Variants in ATF6B observed in about 807,000 individuals in gnomAD.
ATF6B encodes the protein activating transcription factor 6 beta, also known as cyclic AMP-dependent transcription factor ATF-6 beta.
Under a neutral mutation model 83.5 loss-of-function variants are expected in ATF6B, and 50 were observed. The ratio of observed to expected loss-of-function variants is 0.60; its 90% CI spans 0.48 to 0.76. The LOEUF (loss-of-function observed/expected upper bound fraction) is 0.76. Ranked by LOEUF, ATF6B falls within the 30% of genes least tolerant of loss-of-function variation. The pLI is 0.00. For missense variants in ATF6B, 790 were observed against 893.8 expected, an observed-to-expected ratio of 0.88 and a Z score of 1.48; for synonymous variants, 344 against 362.8, an observed-to-expected ratio of 0.95 and a Z score of 0.59.
In ATF6B at chr6:32,116,643, C is replaced by G. The variant is rs572621235; in HGVS notation, c.1797+61G>C. The G allele has an allele frequency of 6.9e-6, 11 of 1,605,256 alleles. No individual in the cohort carries two copies. The highest frequency in any genetic ancestry group is 1.7e-4 in the Middle Eastern group (1 of 6,028). On this transcript the variant is annotated intron_variant, in intron 16 of 17. Transcript: ENST00000375203. The surrounding 1 kb of genome is among the most constrained non-coding windows in gnomAD (Gnocchi z 5.1). ...TCCCCAGCCCTACTCTACATCCCCC[C>G]ACTGAAGACAGACTGCTGGGAACCT...
chr6:32,127,786 T>C, intron 1 of ATF6B, 36 bp from the exon 2 acceptor site: 1 of 1,606,466 alleles, frequency 6.2e-7, no homozygotes, highest in Non-Finnish European at 8.5e-7. Flanking sequence ...GGTCGTTCGG[T>C]GGCCCCAGCC....
chr6:32,119,931 C>T lies in ATF6B; in HGVS notation c.859G>A (p.Ala287Thr). 1 of 1,614,106 alleles carries T rather than the reference C, an allele frequency of 6.2e-7. No homozygotes were observed. Among genetic ancestry groups the T allele is most frequent in the Non-Finnish European group, 8.5e-7 (1 of 1,180,020 alleles). Residue 287 changes from alanine to threonine, a missense_variant, in exon 9 of 18, where the codon GCT becomes ACT. By Grantham distance (58) the Ala-to-Thr change is moderately conservative (BLOSUM62 0). Around this residue, in one of 3 missense-constraint regions of ATF6B, gnomAD observed 530 missense variants for 632.6 expected, o/e 0.84. Coordinates refer to ENST00000375203, the MANE Select transcript of ATF6B (RefSeq NM_004381.5). The surrounding 1 kb of genome is among the most constrained non-coding windows in gnomAD (Gnocchi z 4.9). ...GGCCCTTCAGGCTGGACTCGAATAGCACCCTGGATGAGGACAACTGGGGAC... is the reference window on the plus strand; with the variant it reads ...GGCCCTTCAGGCTGGACTCGAATAGTACCCTGGATGAGGACAACTGGGGAC... ...PVSPVVLIQG[A>T]IRVQPEGPAP...
In ATF6B at chr6:32,116,388, T is replaced by C; in HGVS notation, c.1882+92A>G. Reference sequence around the variant, plus strand: ...CTCACCTGTGGGTCCAGCAGCTCTCTGGATGCCCTGCTCCTCTCCCCCTTC... The same window carrying C: ...CTCACCTGTGGGTCCAGCAGCTCTCCGGATGCCCTGCTCCTCTCCCCCTTC... On this transcript the variant is annotated intron_variant, in intron 17 of 17. Transcript: ENST00000375203. The surrounding 1 kb of genome is among the most constrained non-coding windows in gnomAD (Gnocchi z 5.1). The C allele has an allele frequency of 8.0e-7, 1 of 1,245,168 alleles. No homozygotes were observed. Among genetic ancestry groups the C allele is most frequent in the Admixed American group, 2.3e-5 (1 of 42,820 alleles). The allele number at this position is 1,245,168 out of a possible 1,614,324, so 77.1% of individuals were successfully genotyped here.
chr6:32,118,553 G>A lies in ATF6B; in HGVS notation c.1244+222C>T, dbSNP rs774830994. 2.0e-4 allele frequency among the ~76,000 whole-genome samples: 30 copies of A among 152,304 alleles called. No homozygotes were observed. The highest frequency in any genetic ancestry group is 3.9e-4 in the Admixed American group (6 of 15,304). ...AGAGGTTGCAGTGAGCCGAGATCGTGCCACTGCACTCCAGCCTGGGCAACA... is the reference window on the plus strand; with the variant it reads ...AGAGGTTGCAGTGAGCCGAGATCGTACCACTGCACTCCAGCCTGGGCAACA... On this transcript the variant is annotated intron_variant, in intron 11 of 17. Transcript: ENST00000375203. This position sits in a 1 kb window ranked among gnomAD's most constrained non-coding sequence, Gnocchi z 5.2.
intron 5 of ATF6B, among the ~76,000 whole-genome samples, chr6:32,121,848 G>A (rs766040120): frequency 1.3e-5 from 2 of 151,926 alleles, no homozygotes; most frequent in African/African-American, 4.8e-5. Flanking sequence ...CCCGCTTTTC[G>A]CCTAGTGCTT....
At chr6:32,121,409 G>A (rs1052583275) in intron 5 of ATF6B, 61 bp from the exon 6 acceptor site, 5 of 1,511,334 alleles carry the variant, frequency 3.3e-6, no homozygotes, top group East Asian at 2.3e-5. Context: ...GGTTAAGAGG[G>A]TTAAGATGGG....
chr6:32,119,741 C>G lies in ATF6B; in HGVS notation c.966+83G>C. On this transcript the variant is annotated intron_variant, in intron 9 of 17. Transcript: ENST00000375203. The surrounding 1 kb of genome is among the most constrained non-coding windows in gnomAD (Gnocchi z 4.9). ...TTTTCTCCTAGGTATCGACTCCCTC[C>G]TCATCCCACAGTTCTCTCTATGGCA... The G allele has an allele frequency of 1.3e-6, 2 of 1,555,718 alleles. No individual in the cohort carries two copies. Among genetic ancestry groups the G allele is most frequent in the Non-Finnish European group, 1.7e-6 (2 of 1,146,642 alleles).
chr6:32,127,916 G>A, intron 1 of ATF6B, 166 bp from the exon 2 acceptor site: 2 of 996,618 alleles, frequency 2.0e-6, no homozygotes, highest in Non-Finnish European at 3.0e-6. Flanking sequence ...CCCCGACCCC[G>A]GAACAACTCG....
At chr6:32,123,442 A>C (rs565287055) in intron 5 of ATF6B, among the ~76,000 whole-genome samples, 2 of 152,174 alleles carry the variant, frequency 1.3e-5, no homozygotes, top group South Asian at 4.1e-4. Context: ...TGCTGCTAAT[A>C]GCAGTGGGCG....
chr6:32,118,148 A>G lies in ATF6B; in HGVS notation c.1245-110T>C. 1 of 1,341,860 alleles carries G rather than the reference A, an allele frequency of 7.5e-7. No individual in the cohort carries two copies. The highest frequency in any genetic ancestry group is 1.0e-6 in the Non-Finnish European group (1 of 957,270). The allele number at this position is 1,341,860 out of a possible 1,614,324, so 83.1% of individuals were successfully genotyped here. On this transcript the variant is annotated intron_variant, in intron 11 of 17. Coordinates refer to ENST00000375203, the MANE Select transcript of ATF6B (RefSeq NM_004381.5). The surrounding 1 kb of genome is among the most constrained non-coding windows in gnomAD (Gnocchi z 5.2). ...TGCTTGAGTTGCAATCTGTTATACA[A>G]GCCTGAGTCTGCCTCTGTAAGATGG...
In ATF6B at chr6:32,117,111, G is replaced by A. The variant is rs1349607282; in HGVS notation, c.1615-4C>T. Reference sequence around the variant, plus strand: ...ACTTCTTCCGTGGCTGAGACTTCTGGAAGGAGAAGTATCTAAGGACTTGGA... The same window carrying A: ...ACTTCTTCCGTGGCTGAGACTTCTGAAAGGAGAAGTATCTAAGGACTTGGA... On this transcript the variant is annotated splice_region_variant and splice_polypyrimidine_tract_variant and intron_variant, in intron 14 of 17. Transcript: ENST00000375203. This position sits in a 1 kb window ranked among gnomAD's most constrained non-coding sequence, Gnocchi z 5.0. 5 of 1,613,624 alleles carry A rather than the reference G, an allele frequency of 3.1e-6. No homozygotes were observed. The Admixed American group carries it at 6.7e-5, about 22-fold the overall frequency.
In ATF6B at chr6:32,118,460, G is replaced by A. The variant is rs1292996253; in HGVS notation, c.1244+315C>T. 6.6e-6 allele frequency among the ~76,000 whole-genome samples: 1 copy of A among 152,234 alleles called. No homozygotes were observed. Among genetic ancestry groups the A allele is most frequent in the Non-Finnish European group, 1.5e-5 (1 of 68,044 alleles). On this transcript the variant is annotated intron_variant, in intron 11 of 17. Transcript: ENST00000375203. This position sits in a 1 kb window ranked among gnomAD's most constrained non-coding sequence, Gnocchi z 5.2. Reference sequence around the variant, plus strand: ...AAATACAAAAAATTAGCCGGGCATGGTGGCGTGCGCCTGTAGTCCCAGCTA... The same window carrying A: ...AAATACAAAAAATTAGCCGGGCATGATGGCGTGCGCCTGTAGTCCCAGCTA...
At position 32,119,002 on chromosome 6, in the gene ATF6B, C is replaced by T. The variant is rs766157194; in HGVS notation, c.1106G>A (p.Arg369Gln). 5.6e-6 allele frequency: 9 copies of T among 1,614,018 alleles called. No individual in the cohort carries two copies. The highest frequency in any genetic ancestry group is 1.1e-5 in the South Asian group (1 of 91,080). Residue 369 changes from arginine to glutamine, a missense_variant, in exon 10 of 18, where the codon CGA (arginine) becomes CAA (glutamine). This residue lies in a region of ATF6B where 530 missense variants were observed against 632.6 expected (regional missense o/e 0.84). Transcript: ENST00000375203. This position sits in a 1 kb window ranked among gnomAD's most constrained non-coding sequence, Gnocchi z 4.9. ...AVLADNQQLR[R>Q]ENAALRRRLE... ...CCGCCGCCGGAGGGCAGCATTCTCT[C>T]GGCGGAGCTGCTGGTTGTCAGCCAG... is the stretch of plus-strand genomic sequence containing the variant.
In ATF6B at chr6:32,117,893, G is replaced by A. The variant is rs1240801904; in HGVS notation, c.1390C>T (p.Pro464Ser). 1 of 1,577,196 alleles carries A rather than the reference G, an allele frequency of 6.3e-7. No homozygotes were observed. The highest frequency in any genetic ancestry group is 1.4e-5 in the African/African-American group (1 of 73,520). The part of the protein sequence containing the change: ...LQGSSQGPKE[P>S]QPSPTDQPSF... ...GGCTGGTCTGTGGGGCTGGGCTGGG[G>A]CTCCTTAGGGCCCTGGGAGGACCCC... The change falls in exon 12 of 18, where the codon CCC becomes TCC. Residue 464 changes from proline to serine, a missense_variant. Physicochemically the swap from Pro to Ser is moderately conservative, Grantham distance 74. Around this residue, in one of 3 missense-constraint regions of ATF6B, gnomAD observed 530 missense variants for 632.6 expected, o/e 0.84. Coordinates refer to ENST00000375203, the MANE Select transcript of ATF6B (RefSeq NM_004381.5). This position sits in a 1 kb window ranked among gnomAD's most constrained non-coding sequence, Gnocchi z 5.0.
chr6:32,126,645 G>A (rs1252757177), intron 4 of ATF6B, among the ~76,000 whole-genome samples: 1 of 152,090 alleles, frequency 6.6e-6, no homozygotes, highest in African/African-American at 2.4e-5. Context: ...GATCACTTGA[G>A]CCCAGGAGTT....
rs535689877 is a variant in ATF6B, at chr6:32,119,543, C to T, written c.966+281G>A. 5.9e-5 allele frequency among the ~76,000 whole-genome samples: 9 copies of T among 152,270 alleles called. No individual in the cohort carries two copies. The South Asian group carries it at 1.9e-3, about 32-fold the overall frequency. On this transcript the variant is annotated intron_variant, in intron 9 of 17. Coordinates refer to ENST00000375203, the MANE Select transcript of ATF6B (RefSeq NM_004381.5). The surrounding 1 kb of genome is among the most constrained non-coding windows in gnomAD (Gnocchi z 4.9). ...CCCCAACTATGGCCATGACCGTAGT[C>T]GTATAGTACAGTACGACTTCCTTGC... is the stretch of plus-strand genomic sequence containing the variant.
chr6:32,127,669 A>G lies in ATF6B; in HGVS notation c.171+2T>C. 1 of 1,614,138 alleles carries G rather than the reference A, an allele frequency of 6.2e-7. No individual in the cohort carries two copies. ...GTTAGAGAAAGGCTGGGGACACAAT[A>G]CCGGGACATCCTGCTCCGGGCAACG... On this transcript the variant is annotated splice_donor_variant, in intron 2 of 17. Transcript: ENST00000375203. LOFTEE classifies it high-confidence loss of function.
Position 32,120,841 on chromosome 6 carries a change from G to A in ATF6B, c.762C>T (p.Val254=). The change falls in exon 8 of 18, where the codon GTC becomes GTT. Residue 254 remains valine, a synonymous_variant. Coordinates refer to ENST00000375203, the MANE Select transcript of ATF6B (RefSeq NM_004381.5). ...GAGGCACAGCTCTGGATGGCATTGG[G>A]ACAGTGGTTAGCACTACAGGTTTGG... ...LQPKPVVLTT[V]PMPSRAVPPS... The A allele has an allele frequency of 1.9e-6, 3 of 1,602,574 alleles. No homozygotes were observed. Among genetic ancestry groups the A allele is most frequent in the Non-Finnish European group, 2.6e-6 (3 of 1,174,260 alleles).
intron 5 of ATF6B, among the ~76,000 whole-genome samples, chr6:32,124,344 C>T (rs753136780): frequency 6.6e-6 from 1 of 152,232 alleles, no homozygotes; most frequent in Non-Finnish European, 1.5e-5. Context: ...CTCTTTGACT[C>T]CTACCTCTCT....
Sources: gnomAD v4.1 joint callset for allele counts (sites outside exome capture counted in the v4.1 genomes callset) on GRCh38, gnomAD v4.1.1 for gene constraint, gnomAD v4.1.1 regional missense constraint, Gnocchi (gnomAD v3.1) non-coding constraint, MANE v1.5 for transcripts, NCBI Gene and HGNC (gene_info 2026-07-23, HGNC 2026-07-21) for gene names.